The following RPH3A variants were observed in gnomAD, a reference collection of about 807,000 sequenced individuals.
RPH3A encodes rabphilin-3A.
Under a neutral mutation model 102.2 loss-of-function variants are expected in RPH3A, and 48 were observed. The ratio of observed to expected loss-of-function variants is 0.47; its 90% confidence interval spans 0.37 to 0.60. The LOEUF (loss-of-function observed/expected upper bound fraction) is 0.60. Among genes scored for constraint, RPH3A ranks in the 20% least tolerant of loss-of-function variants. RPH3A has a pLI of 0.00. For missense variants in RPH3A, 781 were observed against 910.1 expected (o/e 0.86, Z 1.83); for synonymous variants, 310 against 324.3 (o/e 0.96, Z 0.47).
chr12:112,813,628 T>A (rs2041620280), intron 2 of RPH3A, among the ~76,000 whole-genome samples: 1 of 152,078 alleles, frequency 6.6e-6, no homozygotes, highest in Non-Finnish European at 1.5e-5. Flanking sequence ...AGAGGTGCGG[T>A]TCTGGAAGAA....
In RPH3A at chr12:112,767,403, C is replaced by T. The variant is rs142024850; in HGVS notation, c.-139-24740C>T. On this transcript the variant is annotated intron_variant, in intron 1 of 21. Coordinates refer to the RPH3A transcript ENST00000543106. ...GGCATCACCCAGGATGAGAAGGGCC[C>T]GCCAGGGAAGCAAGTGGATGCTGGC... Among the ~76,000 whole-genome samples, 6 of 152,266 alleles carry T rather than the reference C, an allele frequency of 3.9e-5. No homozygotes were observed. In the East Asian group the frequency reaches 9.6e-4, roughly 24 times the overall value.
intron 4 of RPH3A, among the ~76,000 whole-genome samples, chr12:112,842,821 A>G (rs895580531): frequency 2.0e-5 from 3 of 152,248 alleles, no homozygotes; most frequent in Non-Finnish European, 4.4e-5. Flanking sequence ...TTTGGCATGC[A>G]CTTTCACATT....
intron 1 of RPH3A, among the ~76,000 whole-genome samples, chr12:112,680,094 G>A (rs1592940461): frequency 2.6e-5 from 4 of 152,314 alleles, no homozygotes; most frequent in South Asian, 4.1e-4. Context: ...AGGAATGGGG[G>A]CAGAAAAGGC....
intron 1 of RPH3A, among the ~76,000 whole-genome samples, chr12:112,746,447 C>T (rs1364701578): frequency 1.3e-5 from 2 of 152,092 alleles, no homozygotes; most frequent in African/African-American, 2.4e-5. Flanking sequence ...CCCTCCATCA[C>T]TCAACCCAAG....
rs370188692 is a variant in RPH3A, at chr12:112,890,878, G to A, written c.1650G>A (p.Glu550=). Residue 550 remains glutamate (E), a synonymous_variant, in exon 19 of 22, where the codon GAG becomes GAA. Coordinates refer to ENST00000389385, the MANE Select transcript of RPH3A (RefSeq NM_001143854.2). ...TGGAGCGTGTTGGTGACATCGAGGA[G>A]CGTGGCAAGATCCTGGTCTCCCTCA... ...EQVERVGDIE[E]RGKILVSLMY... 36 of 1,614,006 alleles carry A rather than the reference G, an allele frequency of 2.2e-5. No individual in the cohort carries two copies. Among genetic ancestry groups the A allele is most frequent in the East Asian group, 6.7e-5 (3 of 44,874 alleles).
At chr12:112,687,019 G>T (rs1180542341) in intron 1 of RPH3A, among the ~76,000 whole-genome samples, 3 of 152,222 alleles carry the variant, frequency 2.0e-5, no homozygotes, top group Admixed American at 2.0e-4. Flanking sequence ...GGAGGCTGAA[G>T]TGGGAGGATG....
At chr12:112,787,223 G>A (rs79955202), upstream of RPH3A, among the ~76,000 whole-genome samples, 1 of 152,312 alleles carries the variant, frequency 6.6e-6, no homozygotes, top group East Asian at 1.9e-4. Context: ...AGTCCCACTT[G>A]CCACTTAAGG....
At chr12:112,607,999 A>C (rs2039610561) in intron 1 of RPH3A, among the ~76,000 whole-genome samples, 1 of 152,174 alleles carries the variant, frequency 6.6e-6, no homozygotes, top group African/African-American at 2.4e-5. Context: ...CTGGAAAGCC[A>C]AAGGGGATGA....
intron 1 of RPH3A, among the ~76,000 whole-genome samples, chr12:112,738,608 G>A (rs533764174): frequency 6.6e-6 from 1 of 152,024 alleles, no homozygotes; most frequent in South Asian, 2.1e-4. Context: ...AAGGGGGCGG[G>A]AAGGGTCCCC....
At chr12:112,597,381 AAGACC>A (rs2135966727) in intron 1 of RPH3A, among the ~76,000 whole-genome samples, 1 of 152,208 alleles carries the variant, frequency 6.6e-6, no homozygotes, top group South Asian at 2.1e-4. Context: ...CCAGGAGTTT[AAGACC>A]AGCCCGGGCA....
intron 1 of RPH3A, among the ~76,000 whole-genome samples, chr12:112,698,393 A>G (rs2040367873): frequency 6.6e-6 from 1 of 152,262 alleles, no homozygotes. Context: ...TAAAATAATG[A>G]TAAATTTGAC....
intron 1 of RPH3A, among the ~76,000 whole-genome samples, chr12:112,729,007 C>T (rs376613640): frequency 5.9e-4 from 90 of 152,062 alleles, no homozygotes; most frequent in African/African-American, 2.1e-3. Flanking sequence ...ATGGTGCTAG[C>T]GGGAGTGGCT....
intron 1 of RPH3A, among the ~76,000 whole-genome samples, chr12:112,721,194 A>G (rs1028974019): frequency 1.3e-5 from 2 of 152,200 alleles, no homozygotes; most frequent in Admixed American, 1.3e-4. Flanking sequence ...AAATAGTAGG[A>G]TAAGCTCTTC....
intron 1 of RPH3A, among the ~76,000 whole-genome samples, chr12:112,783,186 G>C (rs1170739213): frequency 6.6e-6 from 1 of 152,164 alleles, no homozygotes; most frequent in Non-Finnish European, 1.5e-5. Context: ...TGTCACGTTA[G>C]GATTACGTAA....
chr12:112,713,051 C>CCTT (rs397958107), intron 1 of RPH3A, among the ~76,000 whole-genome samples: 2,805 of 85,798 alleles, frequency 0.033, 102 homozygotes, highest in Middle Eastern at 0.078. Context: ...TTCTTCTTCT[C>CCTT]CTTCTTCTTC....
intron 1 of RPH3A, among the ~76,000 whole-genome samples, chr12:112,705,884 C>G (rs1268191442): frequency 6.6e-6 from 1 of 152,152 alleles, no homozygotes; most frequent in Non-Finnish European, 1.5e-5. Flanking sequence ...ATCCACCACT[C>G]CATTCATCCA....
intron 3 of RPH3A, among the ~76,000 whole-genome samples, chr12:112,833,827 T>C (rs1039791774): frequency 6.6e-6 from 1 of 151,940 alleles, no homozygotes; most frequent in Non-Finnish European, 1.5e-5. Flanking sequence ...CCGCCCAGGC[T>C]CAAACAATCC....
At chr12:112,621,821 G>T (rs975572455) in intron 1 of RPH3A, among the ~76,000 whole-genome samples, 2 of 151,610 alleles carry the variant, frequency 1.3e-5, no homozygotes, top group African/African-American at 4.8e-5. Flanking sequence ...TGACAGCTTT[G>T]AAGAGAGCAG....
At chr12:112,763,429 G>A (rs1008410839) in intron 1 of RPH3A, among the ~76,000 whole-genome samples, 3 of 152,192 alleles carry the variant, frequency 2.0e-5, no homozygotes, top group African/African-American at 7.2e-5. Flanking sequence ...GATATCAATC[G>A]ATACATGTGA....
Sources: gnomAD v4.1 joint callset for allele counts (sites outside exome capture counted in the v4.1 genomes callset) on GRCh38, gnomAD v4.1.1 for gene constraint, MANE v1.5 for transcripts, NCBI Gene and HGNC (gene_info 2026-07-23, HGNC 2026-07-21) for gene names.